Variants in ZNF81 observed in about 807,000 individuals in gnomAD.
The protein encoded by ZNF81 is zinc finger protein 81, also known as zinc finger protein 81 (HFZ20).
ZNF81 carries 5 observed loss-of-function variants against 32.3 expected under a neutral mutation model. The ratio of observed to expected loss-of-function variants is 0.15; its 90% CI spans 0.08 to 0.33. The LOEUF is 0.33. Ranked by LOEUF, ZNF81 falls within the 10% of genes least tolerant of loss-of-function variation. The pLI is 1.00. For missense variants in ZNF81, 379 were observed against 479.8 expected (o/e 0.79, Z 1.96); for synonymous variants, 163 against 166.8 (o/e 0.98, Z 0.17).
At chrX:47,874,880 A>G (rs984672402) in intron 2 of ZNF81, among the ~76,000 whole-genome samples, 10 of 111,689 alleles carry the variant, frequency 9.0e-5, no homozygotes, top group South Asian at 3.7e-4. Context: ...GCTATATGGT[A>G]TGTGGATAAT....
Position 47,916,401 on chromosome X carries a change from T to C in ZNF81, c.1755T>C (p.Pro585=), listed in dbSNP as rs1556890882. ...CTACAGAGAAGCCTTATAAATGTCC[T>C]GACTGTGAGAAATCCTTCTCCAAGA... ...IHTTEKPYKC[P]DCEKSFSKKP... The change falls in exon 5 of 5, where the codon CCT becomes CCC. Residue 585 remains proline, a synonymous_variant. Coordinates refer to ENST00000338637, the MANE Select transcript of ZNF81 (RefSeq NM_007137.5). 1 of 1,211,670 alleles carries C rather than the reference T, an allele frequency of 8.3e-7. No homozygotes were observed. Among genetic ancestry groups the C allele is most frequent in the African/African-American group, 1.7e-5 (1 of 57,802 alleles).
intron 2 of ZNF81, chrX:47,861,015 T>C (rs2058538380): frequency 8.9e-6 from 1 of 112,404 alleles, no homozygotes; most frequent in Admixed American, 9.4e-5. Flanking sequence ...TCTTTTGTAA[T>C]ATTCTTTATA....
chrX:47,856,565 GA>G (rs1203402126), intron 2 of ZNF81, among the ~76,000 whole-genome samples: 1 of 112,041 alleles, frequency 8.9e-6, no homozygotes, highest in Non-Finnish European at 1.9e-5. Context: ...TTCATTAAAA[GA>G]AAAACATCGT....
Position 47,843,577 on chromosome X carries a change from C to T in ZNF81, c.-163-2528C>T, listed in dbSNP as rs782174036. ...TCACTCTGTCATCCAGGCTGGACTG[C>T]AGTGATGCAACTGTGGCTCACTGCA... On this transcript the variant is annotated intron_variant, in intron 1 of 4. Transcript: ENST00000338637. Among the ~76,000 whole-genome samples, 12 of 111,783 alleles carry T rather than the reference C, an allele frequency of 1.1e-4. No homozygotes were observed. The East Asian group carries it at 3.4e-3, about 31-fold the overall frequency.
rs191027002 is a variant in ZNF81, at chrX:47,916,206, T to C, written c.1560T>C (p.His520=). 882 of 1,209,930 alleles carry C rather than the reference T, an allele frequency of 7.3e-4. 5 individuals are homozygous for C. The highest frequency in any genetic ancestry group is 1.1e-4 in the Non-Finnish European group (99 of 895,159). Residue 520 remains histidine, a synonymous_variant, in exon 5 of 5, where the codon CAT becomes CAC. Transcript: ENST00000338637. The stretch of plus-strand genomic sequence containing the variant: ...ATCTCAATACTCACCAGAAGTCTCA[T>C]ACTGGAGAAAAGTCTTATATATGTG... ...RSNLNTHQKS[H]TGEKSYICAE... is the part of the protein sequence containing the mutation.
intron 4 of ZNF81, among the ~76,000 whole-genome samples, chrX:47,911,145 C>G (rs1351391803): frequency 9.0e-6 from 1 of 111,201 alleles, no homozygotes; most frequent in Admixed American, 9.6e-5. Context: ...TAACACATGA[C>G]CAATAACTTT....
Position 47,916,755 on chromosome X carries a change from A to G in ZNF81, c.*123A>G. On this transcript the variant is annotated 3_prime_UTR_variant, in exon 5 of 5. Coordinates refer to ENST00000338637, the MANE Select transcript of ZNF81 (RefSeq NM_007137.5). ...AATACATTGTATAAGGAAAAGCATCAGGCTATCTCACTTGAGATGGAAAAA... is the reference window on the plus strand; with the variant it reads ...AATACATTGTATAAGGAAAAGCATCGGGCTATCTCACTTGAGATGGAAAAA... 1 of 768,052 alleles carries G rather than the reference A, an allele frequency of 1.3e-6. No homozygotes were observed. The highest frequency in any genetic ancestry group is 1.8e-6 in the Non-Finnish European group (1 of 567,478). 63.3% of individuals were successfully genotyped at this position (768,052 alleles called of 1,213,427 possible). A position where few individuals can be genotyped will look rare whatever the true frequency, so the allele number is the denominator to read the frequency against.
chrX:47,896,654 A>C (rs1556887276), intron 4 of ZNF81, among the ~76,000 whole-genome samples: 2 of 112,000 alleles, frequency 1.8e-5, no homozygotes, highest in African/African-American at 3.2e-5. Flanking sequence ...AGTTTTGATA[A>C]AGATATACAC....
intron 3 of ZNF81, among the ~76,000 whole-genome samples, chrX:47,888,642 C>G (rs2058651732): frequency 9.0e-6 from 1 of 110,917 alleles, no homozygotes; most frequent in Non-Finnish European, 1.9e-5. Flanking sequence ...TATAACAGCC[C>G]TAGGAAACTA....
chrX:47,896,934 A>G (rs2058681742), intron 4 of ZNF81, among the ~76,000 whole-genome samples: 2 of 112,630 alleles, frequency 1.8e-5, no homozygotes, highest in African/African-American at 6.4e-5. Flanking sequence ...TGAATGACAA[A>G]TAGTATTTCA....
chrX:47,850,866 C>T (rs1035632308), intron 2 of ZNF81, among the ~76,000 whole-genome samples: 1 of 100,385 alleles, frequency 1.0e-5, no homozygotes, highest in African/African-American at 3.6e-5. Flanking sequence ...CATACAAACA[C>T]GTGCACTCAT....
chrX:47,909,393 C>CT (rs1242593004), intron 4 of ZNF81, among the ~76,000 whole-genome samples: 5 of 111,009 alleles, frequency 4.5e-5, no homozygotes, highest in African/African-American at 9.8e-5. Context: ...TTCATAGAGG[C>CT]TTTTTTCCCA....
At chrX:47,854,821 C>T (rs1423265526) in intron 2 of ZNF81, among the ~76,000 whole-genome samples, 3 of 111,827 alleles carry the variant, frequency 2.7e-5, no homozygotes, top group Non-Finnish European at 5.6e-5. Context: ...ATAGGCCGGG[C>T]GCGGCGGCTC....
Position 47,916,239 on chromosome X carries a change from T to C in ZNF81, c.1593T>C (p.Cys531=), listed in dbSNP as rs1057391947. 29 of 1,211,831 alleles carry C rather than the reference T, an allele frequency of 2.4e-5. No homozygotes were observed. Among genetic ancestry groups the C allele is most frequent in the Non-Finnish European group, 2.8e-5 (25 of 895,527 alleles). Residue 531 remains cysteine (C), a synonymous_variant, in exon 5 of 5, where the codon TGT becomes TGC. Transcript: ENST00000338637. ...AAAAGTCTTATATATGTGCTGAATG[T>C]GGGAAGGCCTTCACCGACAGGTCAA... ...TGEKSYICAE[C]GKAFTDRSNF...
At chrX:47,854,327 T>G (rs2058507360) in intron 2 of ZNF81, among the ~76,000 whole-genome samples, 1 of 112,602 alleles carries the variant, frequency 8.9e-6, no homozygotes, top group Non-Finnish European at 1.9e-5. Context: ...TCCAGACCAC[T>G]CAAACTTTCT....
chrX:47,897,802 A>G (rs1324225949), intron 4 of ZNF81, among the ~76,000 whole-genome samples: 1 of 112,118 alleles, frequency 8.9e-6, no homozygotes, highest in Non-Finnish European at 1.9e-5. Context: ...AAATCAATTG[A>G]CTTTATGTGT....
intron 2 of ZNF81, among the ~76,000 whole-genome samples, chrX:47,881,414 A>G (rs1478434200): frequency 8.9e-6 from 1 of 112,143 alleles, no homozygotes; most frequent in Non-Finnish European, 1.9e-5. Flanking sequence ...TTCTTCACCT[A>G]CAACTGTCTT....
intron 2 of ZNF81, among the ~76,000 whole-genome samples, chrX:47,878,129 C>T (rs782614413): frequency 2.7e-5 from 3 of 112,080 alleles, no homozygotes; most frequent in Non-Finnish European, 3.8e-5. Context: ...ACATCCCCTC[C>T]TGCCTGTCGT....
At chrX:47,869,579 A>G (rs781956367) in intron 2 of ZNF81, among the ~76,000 whole-genome samples, 3 of 112,588 alleles carry the variant, frequency 2.7e-5, no homozygotes, top group Non-Finnish European at 5.6e-5. Flanking sequence ...GAATCTCAAT[A>G]CCAGTGTAAG....
Sources: allele counts gnomAD v4.1 joint callset (sites outside exome capture counted in the v4.1 genomes callset), GRCh38; gene constraint gnomAD v4.1.1; transcripts MANE v1.5; gene names NCBI Gene and HGNC (gene_info 2026-07-23, HGNC 2026-07-21).